Variants in CDH13 observed in about 807,000 individuals in gnomAD.
CDH13 encodes the protein cadherin-13.
CDH13 carries 24 observed loss-of-function variants against 63.8 expected under a neutral mutation model. The observed-to-expected ratio is 0.38, with a 90% CI of 0.27 to 0.53. CDH13 has a LOEUF of 0.53. Among genes scored for constraint, CDH13 ranks in the 20% least tolerant of loss-of-function variants. The pLI is 0.85. For missense variants in CDH13, 1,049 were observed against 903.1 expected, an observed-to-expected ratio of 1.16 and a Z score of -2.07; for synonymous variants, 503 against 355.3, an observed-to-expected ratio of 1.42 and a Z score of -4.67.
In CDH13 at chr16:83,795,218, C is replaced by T. The variant is rs1904275899; in HGVS notation, c.*188C>T. On this transcript the variant is annotated 3_prime_UTR_variant, in exon 14 of 14. Transcript: ENST00000567109. ...TTCATCATTTTGACAGCATCTTCCT[C>T]CCTCCTTTAATTAATGGAATCTTCT... 3 of 542,204 alleles carry T rather than the reference C, an allele frequency of 5.5e-6. No individual in the cohort carries two copies. The highest frequency in any genetic ancestry group is 9.8e-6 in the Non-Finnish European group (3 of 305,606). 33.6% of individuals were successfully genotyped at this position (542,204 alleles called of 1,614,324 possible).
rs552345321 is a variant in CDH13 at position 83,619,667 on chromosome 16, C to T, written c.1101+17073C>T. Among the ~76,000 whole-genome samples, 97 of 152,372 alleles carry T rather than the reference C, an allele frequency of 6.4e-4. No homozygotes were observed. In the South Asian group the frequency reaches 0.02, roughly 31 times the overall value. Reference sequence around the variant, plus strand: ...TCCTGCCTCCATCTACACCTGGCTTCTCCCCGTGCCCATGCCTGTGTCCAC... The same window carrying T: ...TCCTGCCTCCATCTACACCTGGCTTTTCCCCGTGCCCATGCCTGTGTCCAC... On this transcript the variant is annotated intron_variant, in intron 8 of 13. Transcript: ENST00000567109.
chr16:83,735,000 C>CAAAAAA (rs34189850), intron 10 of CDH13, among the ~76,000 whole-genome samples: 1 of 143,414 alleles, frequency 7.0e-6, no homozygotes, highest in African/African-American at 2.5e-5. Flanking sequence ...TGTGGTTATT[C>CAAAAAA]AAAAAAAAAA....
At chr16:83,292,786 A>AT (rs1301649367) in intron 5 of CDH13, among the ~76,000 whole-genome samples, 1 of 152,150 alleles carries the variant, frequency 6.6e-6, no homozygotes, top group Non-Finnish European at 1.5e-5. Context: ...AGCTTGAACG[A>AT]TTATATTAGT....
intron 3 of CDH13, among the ~76,000 whole-genome samples, chr16:83,055,394 G>T (rs113792626): frequency 8.2e-6 from 1 of 121,504 alleles, no homozygotes; most frequent in African/African-American, 3.8e-5. Flanking sequence ...AAAAAAAAAA[G>T]AAAAGACACT....
chr16:83,213,066 C>T (rs1266215730), intron 4 of CDH13, among the ~76,000 whole-genome samples: 4 of 152,122 alleles, frequency 2.6e-5, no homozygotes, highest in Non-Finnish European at 5.9e-5. Flanking sequence ...CAGCCACATC[C>T]TTAAGAACAT....
At chr16:83,006,889 C>A (rs1913555948) in intron 2 of CDH13, among the ~76,000 whole-genome samples, 1 of 119,138 alleles carries the variant, frequency 8.4e-6, no homozygotes, top group Admixed American at 8.1e-5. Context: ...CTTCAAAACA[C>A]CCAGTTTTGA....
chr16:83,779,137 T>G (rs1170116985), intron 11 of CDH13, among the ~76,000 whole-genome samples: 5 of 152,108 alleles, frequency 3.3e-5, no homozygotes, highest in African/African-American at 1.2e-4. Context: ...CCGGATGCGG[T>G]GGCTCATGCC....
intron 2 of CDH13, among the ~76,000 whole-genome samples, chr16:82,877,564 T>C (rs1051146672): frequency 1.3e-5 from 2 of 152,186 alleles, no homozygotes; most frequent in Non-Finnish European, 2.9e-5. Flanking sequence ...TGCAGAGTGG[T>C]AACAGCAATG....
intron 2 of CDH13, among the ~76,000 whole-genome samples, chr16:82,874,966 G>A (rs886276152): frequency 6.6e-6 from 1 of 152,150 alleles, no homozygotes; most frequent in African/African-American, 2.4e-5. Flanking sequence ...TGTCCAAAAG[G>A]GACATGGAGG....
At chr16:83,484,307 C>G (rs1374624047) in intron 6 of CDH13, among the ~76,000 whole-genome samples, 1 of 152,226 alleles carries the variant, frequency 6.6e-6, no homozygotes. Flanking sequence ...CTTTGTATGA[C>G]TATTCCTGCT....
At chr16:83,731,941 G>A (rs1911081321) in intron 10 of CDH13, among the ~76,000 whole-genome samples, 1 of 152,216 alleles carries the variant, frequency 6.6e-6, no homozygotes, top group Admixed American at 6.5e-5. Flanking sequence ...TGTGAATATT[G>A]CTTTTCAGAT....
chr16:82,817,352 G>A (rs1441986930), intron 1 of CDH13, among the ~76,000 whole-genome samples: 4 of 152,070 alleles, frequency 2.6e-5, no homozygotes, highest in Non-Finnish European at 5.9e-5. Flanking sequence ...TTTAGGAATG[G>A]TTTCTGCTGA....
chr16:83,497,877 A>G (rs1476421045), intron 7 of CDH13, among the ~76,000 whole-genome samples: 1 of 152,142 alleles, frequency 6.6e-6, no homozygotes, highest in African/African-American at 2.4e-5. Context: ...ATTAACTCAC[A>G]CTTATTAATC....
chr16:83,524,616 C>G (rs1168672012), intron 7 of CDH13, among the ~76,000 whole-genome samples: 3 of 151,956 alleles, frequency 2.0e-5, no homozygotes, highest in African/African-American at 7.3e-5. Flanking sequence ...CCACACCCAG[C>G]TAATTTTTTG....
At chr16:83,061,226 G>C (rs1722934109) in intron 3 of CDH13, among the ~76,000 whole-genome samples, 1 of 152,082 alleles carries the variant, frequency 6.6e-6, no homozygotes, top group South Asian at 2.1e-4. Flanking sequence ...TAATTATGTG[G>C]TCCACACACA....
At position 83,047,377 on chromosome 16, in the gene CDH13, T is replaced by C. The variant is rs1316217938; in HGVS notation, c.366+15159T>C. ...CAGATAATTGAGACTTGAGTGCTTTTTTATTCCAAGTCCCTTATTCGATTT... is the reference window on the plus strand; with the variant it reads ...CAGATAATTGAGACTTGAGTGCTTTCTTATTCCAAGTCCCTTATTCGATTT... On this transcript the variant is annotated intron_variant, in intron 3 of 13. Transcript: ENST00000567109. This position sits in a 1 kb window ranked among gnomAD's most constrained non-coding sequence, Gnocchi z 4.9. Among the ~76,000 whole-genome samples, 1 of 152,220 alleles carries C rather than the reference T, an allele frequency of 6.6e-6. No individual in the cohort carries two copies. The highest frequency in any genetic ancestry group is 1.9e-4 in the East Asian group (1 of 5,192).
chr16:83,089,726 T>G (rs1443337867), intron 3 of CDH13, among the ~76,000 whole-genome samples: 3 of 152,204 alleles, frequency 2.0e-5, no homozygotes. Context: ...ATCTCACGAC[T>G]TTGCTATAAG....
At chr16:83,187,707 C>G (rs2038569520) in intron 4 of CDH13, among the ~76,000 whole-genome samples, 2 of 152,178 alleles carry the variant, frequency 1.3e-5, no homozygotes, top group African/African-American at 2.4e-5. Flanking sequence ...TCCGTGGACA[C>G]AGCAGTGAAC....
intron 1 of CDH13, among the ~76,000 whole-genome samples, chr16:82,649,053 A>C (rs1567589051): frequency 6.6e-6 from 1 of 151,390 alleles, no homozygotes. Context: ...TTTGAATGGA[A>C]GAAAATAAGC....
Sources: gnomAD v4.1 joint callset for allele counts (sites outside exome capture counted in the v4.1 genomes callset) on GRCh38, gnomAD v4.1.1 for gene constraint, Gnocchi (gnomAD v3.1) non-coding constraint, MANE v1.5 for transcripts, NCBI Gene and HGNC (gene_info 2026-07-23, HGNC 2026-07-21) for gene names.